Variants in ZNF397 observed in about 807,000 individuals in gnomAD.
The protein encoded by ZNF397 is zinc finger protein 397, also known as zinc finger and SCAN domain-containing protein 15.
Under a neutral mutation model 50.6 loss-of-function variants are expected in ZNF397, and 38 were observed. That is an observed-to-expected ratio of 0.75 (90% CI 0.58 to 0.98). The LOEUF is 0.98. Ranked by LOEUF, ZNF397 falls within the 50% of genes least tolerant of loss-of-function variation. The pLI is 0.00. For missense variants in ZNF397, 624 were observed against 624.1 expected (o/e 1.00, Z 0.00); for synonymous variants, 228 against 215.2 (o/e 1.06, Z -0.52).
chr18:35,245,898 AGT>A lies in ZNF397; in HGVS notation c.1196_1197del (p.Cys399Ter). The A allele has an allele frequency of 6.4e-7, 1 of 1,564,372 alleles. No homozygotes were observed. The highest frequency in any genetic ancestry group is 1.2e-5 in the South Asian group (1 of 85,056). On this transcript the variant is annotated frameshift_variant, in exon 4 of 4. Coordinates refer to ENST00000330501, the MANE Select transcript of ZNF397 (RefSeq NM_001135178.3). LOFTEE classifies it high-confidence loss of function. ...ATTCACACTGGTGAGAAACCTTATG[AGT>A]GTAATGAATGTGGGAAAACCTTTAG... is the stretch of plus-strand genomic sequence containing the variant.
chr18:35,250,467 T>G (rs545693638), downstream of ZNF397, among the ~76,000 whole-genome samples: 17 of 152,316 alleles, frequency 1.1e-4, no homozygotes, highest in Admixed American at 2.0e-4. Flanking sequence ...GTCCAGGGAA[T>G]AATAATGTCT....
chr18:35,242,889 G>C lies in ZNF397; in HGVS notation c.414+5G>C. On this transcript the variant is annotated splice_donor_5th_base_variant and intron_variant, in intron 2 of 3. Transcript: ENST00000330501. ...TTTGATGACCCAGGGCAGCAGGTGG[G>C]AACGGAGAAAAGTGATGTGGGAAAA... The C allele has an allele frequency of 6.3e-7, 1 of 1,593,942 alleles. No homozygotes were observed. Among genetic ancestry groups the C allele is most frequent in the Non-Finnish European group, 8.5e-7 (1 of 1,170,310 alleles).
At position 35,246,947 on chromosome 18, in the gene ZNF397, C is replaced by A; in HGVS notation, c.*637C>A. The A allele has an allele frequency of 1.1e-6, 1 of 882,572 alleles. No individual in the cohort carries two copies. Among genetic ancestry groups the A allele is most frequent in the Non-Finnish European group, 1.4e-6 (1 of 736,142 alleles). 54.7% of individuals were successfully genotyped at this position (882,572 alleles called of 1,614,324 possible). A position where few individuals can be genotyped will look rare whatever the true frequency, so the allele number is the denominator to read the frequency against. The stretch of plus-strand genomic sequence containing the variant: ...CAGTCTAATGGGCAAGGCAGCCAGA[C>A]AGGCAGTGAAAGTGGAATGCTCCTA... On this transcript the variant is annotated 3_prime_UTR_variant, in exon 4 of 4. Coordinates refer to ENST00000330501, the MANE Select transcript of ZNF397 (RefSeq NM_001135178.3).
chr18:35,247,160 C>T lies in ZNF397; in HGVS notation c.*850C>T. 6.1e-6 allele frequency: 6 copies of T among 985,482 alleles called. No individual in the cohort carries two copies. Among genetic ancestry groups the T allele is most frequent in the Non-Finnish European group, 7.2e-6 (6 of 829,994 alleles). The allele number at this position is 985,482 out of a possible 1,614,324, so 61.0% of individuals were successfully genotyped here. On this transcript the variant is annotated 3_prime_UTR_variant, in exon 4 of 4. Coordinates refer to ENST00000330501, the MANE Select transcript of ZNF397 (RefSeq NM_001135178.3). ...CCTGTTGTAGTGAGGTCTTGTCTGT[C>T]AGAGAAGTCTGGGTCTGGCCAGACT...
Position 35,245,601 on chromosome 18 carries a change from C to G in ZNF397, c.896C>G (p.Ser299Cys). ...GGGCACAGCTTCAAGCAGCATTCCT[C>G]TCTAACACAACATCAGAGAATCCAT... ...VCGHSFKQHS[S>C]LTQHQRIHTG... Residue 299 changes from serine (S) to cysteine (C), a missense_variant, in exon 4 of 4, where the codon TCT becomes TGT. Physicochemically the swap from Ser to Cys is moderately radical, Grantham distance 112 (BLOSUM62 -1). Coordinates refer to ENST00000330501, the MANE Select transcript of ZNF397 (RefSeq NM_001135178.3). 1 of 1,553,780 alleles carries G rather than the reference C, an allele frequency of 6.4e-7. No homozygotes were observed. Among genetic ancestry groups the G allele is most frequent in the Middle Eastern group, 1.7e-4 (1 of 6,000 alleles).
In ZNF397 at chr18:35,246,339, C is replaced by T. The variant is rs751297745; in HGVS notation, c.*29C>T. 11 of 1,483,490 alleles carry T rather than the reference C, an allele frequency of 7.4e-6. No homozygotes were observed. In the Admixed American group the frequency reaches 1.1e-4, roughly 14 times the overall value. The allele number at this position is 1,483,490 out of a possible 1,614,324, so 91.9% of individuals were successfully genotyped here. On this transcript the variant is annotated 3_prime_UTR_variant, in exon 4 of 4. Transcript: ENST00000330501. ...GTGAATACTGTGAATAGTGTAAATA[C>T]TTCAGTCAGATTTTTAAGTTTGTTA... is the stretch of plus-strand genomic sequence containing the variant.
downstream of ZNF397, chr18:35,251,347 A>G (rs1298328213): frequency 6.6e-6 from 1 of 152,206 alleles, no homozygotes; most frequent in Non-Finnish European, 1.5e-5. Flanking sequence ...TACTTAAAAC[A>G]TTAAATCTCT....
chr18:35,258,142 G>T (rs1048409484), exon 6 of ZNF397: 1 of 623,264 alleles, frequency 1.6e-6, no homozygotes, highest in Non-Finnish European at 2.9e-6. Context: ...GCTGTGAAAG[G>T]ATCCACATTA....
At chr18:35,254,634 G>T (rs1029358803), downstream of ZNF397, 9 of 593,288 alleles carry the variant, frequency 1.5e-5, no homozygotes, top group Non-Finnish European at 2.9e-6. Context: ...ACATTAGTTA[G>T]AGGGAATGGT....
chr18:35,245,379 A>G lies in ZNF397; in HGVS notation c.674A>G (p.Lys225Arg). ...ISEHESNLVW[K>R]QGSATGEKLR... ...GAGCATGAAAGCAATTTAGTGTGGA[A>G]GCAAGGAAGTGCTACAGGGGAGAAA... Residue 225 changes from lysine (K) to arginine (R), a missense_variant, in exon 4 of 4, where the codon AAG becomes AGG. Coordinates refer to ENST00000330501, the MANE Select transcript of ZNF397 (RefSeq NM_001135178.3). 1 of 1,607,194 alleles carries G rather than the reference A, an allele frequency of 6.2e-7. No homozygotes were observed. The highest frequency in any genetic ancestry group is 8.5e-7 in the Non-Finnish European group (1 of 1,176,282).
chr18:35,246,271 G>GA lies in ZNF397; in HGVS notation c.1566_1567insA (p.Val523SerfsTer20), dbSNP rs1569045294. ...GTGGGAAGGCTTTCAGGCACAGATCGGTCCTTATGCGCCATCAAAGAGTCC... is the reference window on the plus strand; with the variant it reads ...GTGGGAAGGCTTTCAGGCACAGATCGAGTCCTTATGCGCCATCAAAGAGTCC... On this transcript the variant is annotated frameshift_variant, in exon 4 of 4. Transcript: ENST00000330501. LOFTEE classifies it high-confidence loss of function. 1.9e-6 allele frequency: 3 copies of GA among 1,551,574 alleles called. No individual in the cohort carries two copies. Among genetic ancestry groups the GA allele is most frequent in the Non-Finnish European group, 2.6e-6 (3 of 1,146,882 alleles).
rs2043493610 is a variant in ZNF397 at position 35,247,010 on chromosome 18, G to C, written c.*700G>C. ...GAGCACCTGACTCAGCCTTGGATAA[G>C]GAAATGGGGGAAATGGCCTGAAGGA... On this transcript the variant is annotated 3_prime_UTR_variant, in exon 4 of 4. Transcript: ENST00000330501. 1 of 905,104 alleles carries C rather than the reference G, an allele frequency of 1.1e-6. No individual in the cohort carries two copies. The highest frequency in any genetic ancestry group is 1.8e-5 in the African/African-American group (1 of 55,534). The allele number at this position is 905,104 out of a possible 1,614,324, so 56.1% of individuals were successfully genotyped here. A position where few individuals can be genotyped will look rare whatever the true frequency, so the allele number is the denominator to read the frequency against.
At chr18:35,254,509 C>T, downstream of ZNF397, 1 of 1,526,958 alleles carries the variant, frequency 6.5e-7, no homozygotes, top group Non-Finnish European at 8.8e-7. Flanking sequence ...AAACTAGATT[C>T]CCAATCTAGA....
downstream of ZNF397, chr18:35,253,728 G>C: frequency 6.2e-7 from 1 of 1,614,096 alleles, no homozygotes; most frequent in South Asian, 1.1e-5. Context: ...ATTTTCTTAT[G>C]CTGAATAAGG....
chr18:35,244,289 T>C (rs1055618306), intron 3 of ZNF397, among the ~76,000 whole-genome samples: 1 of 152,258 alleles, frequency 6.6e-6, no homozygotes, highest in Non-Finnish European at 1.5e-5. Flanking sequence ...GGTAGTACTG[T>C]TCATGTGAAT....
rs879008742 is a variant in ZNF397 at position 35,246,707 on chromosome 18, T to TAAA, written c.*411_*413dup. 16 of 932,262 alleles carry TAAA rather than the reference T, an allele frequency of 1.7e-5. No individual in the cohort carries two copies. Among genetic ancestry groups the TAAA allele is most frequent in the Admixed American group, 8.2e-5 (1 of 12,138 alleles). 57.7% of individuals were successfully genotyped at this position (932,262 alleles called of 1,614,324 possible). A position where few individuals can be genotyped will look rare whatever the true frequency, so the allele number is the denominator to read the frequency against. ...GTGTGAGGCACTTCGTCTCAGGAACTAAAAAAAAAAAAAAAACTGACCCAA... is the reference window on the plus strand; with the variant it reads ...GTGTGAGGCACTTCGTCTCAGGAACTAAAAAAAAAAAAAAAAAAACTGACCCAA... On this transcript the variant is annotated 3_prime_UTR_variant, in exon 4 of 4. Coordinates refer to ENST00000330501, the MANE Select transcript of ZNF397 (RefSeq NM_001135178.3).
At chr18:35,257,564 C>G in intron 5 of ZNF397, 2 of 252,218 alleles carry the variant, frequency 7.9e-6, no homozygotes, top group Non-Finnish European at 1.5e-5. Context: ...AATACAAAAT[C>G]TGCTAGCACC....
exon 6 of ZNF397, chr18:35,258,234 A>T (rs112399981): frequency 1.6e-5 from 8 of 493,238 alleles, no homozygotes; most frequent in African/African-American, 9.7e-5. Context: ...AGTCAAGGCC[A>T]TTCATGGCCA....
At chr18:35,257,879 T>C in intron 5 of ZNF397, 1 of 781,008 alleles carries the variant, frequency 1.3e-6, no homozygotes. Context: ...GACCACATCA[T>C]TGCTTGCTCT....
Sources: gnomAD v4.1 joint callset for allele counts (sites outside exome capture counted in the v4.1 genomes callset) on GRCh38, gnomAD v4.1.1 for gene constraint, MANE v1.5 for transcripts, NCBI Gene and HGNC (gene_info 2026-07-23, HGNC 2026-07-21) for gene names.